Variants in MLIP observed in about 807,000 individuals in gnomAD.
MLIP encodes muscular LMNA interacting protein.
A neutral mutation model predicts 84.8 loss-of-function variants in MLIP; 79 were observed. That is an observed-to-expected ratio of 0.93 (90% CI 0.78 to 1.12). MLIP has a LOEUF of 1.12. MLIP is among the 50% of genes most tolerant of loss of function. The pLI is 0.00. For synonymous variants in MLIP, 504 were observed against 463.0 expected, an observed-to-expected ratio of 1.09 and a Z score of -1.14; for missense variants, 1,257 against 1,160.6, an observed-to-expected ratio of 1.08 and a Z score of -1.21.
In MLIP at chr6:54,137,522, GA is replaced by G; in HGVS notation, c.1455del (p.Glu485AspfsTer2). On this transcript the variant is annotated frameshift_variant, in exon 4 of 14. Coordinates refer to ENST00000502396, the MANE Select transcript of MLIP (RefSeq NM_001281747.2). LOFTEE classifies it high-confidence loss of function. ...AGATCAAGGGGAACTCCAGGTTTCTGAATTGACCCAGCAATCTTTTCACCTG... is the reference window on the plus strand; with the variant it reads ...AGATCAAGGGGAACTCCAGGTTTCTGATTGACCCAGCAATCTTTTCACCTG... Reference protein sequence around the residue: ...SPDQGELQVSELTQQSFHLPV... With the variant: ...SPDQGELQVSXLTQQSFHLPV... 1 of 1,536,094 alleles carries G rather than the reference GA, an allele frequency of 6.5e-7. No individual in the cohort carries two copies. The highest frequency in any genetic ancestry group is 1.4e-5 in the African/African-American group (1 of 73,150).
At chr6:54,265,507 G>A (rs1351301092) in intron 13 of MLIP, among the ~76,000 whole-genome samples, 4 of 152,090 alleles carry the variant, frequency 2.6e-5, no homozygotes, top group African/African-American at 7.2e-5. Context: ...GCAAAAGCTG[G>A]GACTTAATTC....
intron 9 of MLIP, among the ~76,000 whole-genome samples, chr6:54,188,348 G>T (rs1777596236): frequency 6.6e-6 from 1 of 151,724 alleles, no homozygotes; most frequent in Non-Finnish European, 1.5e-5. Context: ...AAAACTTTTT[G>T]ACTCTTTTGT....
At position 54,261,141 on chromosome 6, in the gene MLIP, A is replaced by G. The variant is rs958439849; in HGVS notation, c.2976+3780A>G. Reference sequence around the variant, plus strand: ...TGATTTCTGAGTTGAGTTACTTAGGAGAAAATTAAATTCTAGTAGTGACAA... The same window carrying G: ...TGATTTCTGAGTTGAGTTACTTAGGGGAAAATTAAATTCTAGTAGTGACAA... On this transcript the variant is annotated intron_variant, in intron 13 of 13. Transcript: ENST00000502396. Among the ~76,000 whole-genome samples, 8 of 152,148 alleles carry G rather than the reference A, an allele frequency of 5.3e-5. 1 individual carries two copies. Among genetic ancestry groups the G allele is most frequent in the African/African-American group, 1.9e-4 (8 of 41,556 alleles).
At chr6:54,244,851 T>C (rs924092588) in intron 12 of MLIP, among the ~76,000 whole-genome samples, 1 of 152,204 alleles carries the variant, frequency 6.6e-6, no homozygotes, top group Admixed American at 6.5e-5. Flanking sequence ...CCATTGGACA[T>C]ATAGTATCTA....
intron 1 of MLIP, chr6:54,030,492 G>A (rs910192451): frequency 6.6e-6 from 1 of 152,064 alleles, no homozygotes; most frequent in African/African-American, 2.4e-5. Flanking sequence ...GTACATGCGT[G>A]TGTGCACAGA....
chr6:54,110,837 C>G (rs991509269), upstream of MLIP, among the ~76,000 whole-genome samples: 2 of 152,142 alleles, frequency 1.3e-5, no homozygotes, highest in South Asian at 2.1e-4. Context: ...CTTCCAGGAA[C>G]CTTGGAATGA....
At chr6:54,081,920 A>G (rs955906512) in intron 1 of MLIP, among the ~76,000 whole-genome samples, 1 of 152,180 alleles carries the variant, frequency 6.6e-6, no homozygotes, top group African/African-American at 2.4e-5. Flanking sequence ...TATGACCAAG[A>G]CAAATAATGA....
intron 9 of MLIP, among the ~76,000 whole-genome samples, chr6:54,171,306 G>T (rs1775746777): frequency 6.6e-6 from 1 of 151,634 alleles, no homozygotes; most frequent in East Asian, 1.9e-4. Context: ...AACAGGTTCA[G>T]TATAGGCTAG....
At chr6:54,149,174 T>C (rs774251712) in intron 5 of MLIP, 47 bp downstream of exon 5, 1 of 1,492,188 alleles carries the variant, frequency 6.7e-7, no homozygotes, top group East Asian at 2.3e-5. Flanking sequence ...TTAATGTGAT[T>C]TTTAAAATGT....
chr6:54,055,560 T>C (rs1361722751), intron 1 of MLIP, among the ~76,000 whole-genome samples: 1 of 152,172 alleles, frequency 6.6e-6, no homozygotes, highest in African/African-American at 2.4e-5. Flanking sequence ...ATTAATTTAG[T>C]CAACAAATAT....
In MLIP at chr6:54,065,745, C is replaced by T. The variant is rs1274044788; in HGVS notation, c.63+46654C>T. Among the ~76,000 whole-genome samples, 3 of 99,136 alleles carry T rather than the reference C, an allele frequency of 3.0e-5. 1 individual carries two copies. The highest frequency in any genetic ancestry group is 7.7e-5 in the African/African-American group (3 of 38,934). The allele number at this position is 99,136 out of a possible 152,430, so 65.0% of individuals were successfully genotyped here. ...ACCCAGTTCCTCTCTGGAGCATCAC[C>T]CTAGGCCACCTCTGACTTTCCTAGT... On this transcript the variant is annotated intron_variant, in intron 1 of 12. Transcript: ENST00000274897.
chr6:54,174,511 A>G (rs774342654), intron 9 of MLIP, among the ~76,000 whole-genome samples: 1 of 152,010 alleles, frequency 6.6e-6, no homozygotes, highest in Non-Finnish European at 1.5e-5. Flanking sequence ...GATGTTGAGC[A>G]TCTTTTCATA....
intron 1 of MLIP, among the ~76,000 whole-genome samples, chr6:54,078,419 C>T (rs557398162): frequency 2.0e-5 from 3 of 152,232 alleles, no homozygotes; most frequent in African/African-American, 7.2e-5. Flanking sequence ...TAGTGAAACC[C>T]TGTCTCTACA....
At chr6:54,223,331 A>G (rs529502644) in intron 11 of MLIP, among the ~76,000 whole-genome samples, 5 of 151,994 alleles carry the variant, frequency 3.3e-5, no homozygotes, top group Non-Finnish European at 7.4e-5. Context: ...ACCCACAACA[A>G]TGTCAAGCAG....
At chr6:54,116,174 AAAG>A (rs1769901724) in intron 1 of MLIP, among the ~76,000 whole-genome samples, 1 of 152,130 alleles carries the variant, frequency 6.6e-6, no homozygotes, top group Non-Finnish European at 1.5e-5. Context: ...TCAAGGCATA[AAAG>A]GGTGGCAGGG....
At chr6:54,196,704 C>A (rs985193090) in intron 10 of MLIP, among the ~76,000 whole-genome samples, 4 of 152,004 alleles carry the variant, frequency 2.6e-5, no homozygotes, top group Non-Finnish European at 4.4e-5. Flanking sequence ...ATTCATTCTG[C>A]AAGTATTTAT....
chr6:54,155,446 A>G (rs910945123), intron 5 of MLIP, among the ~76,000 whole-genome samples: 2 of 152,144 alleles, frequency 1.3e-5, no homozygotes, highest in African/African-American at 4.8e-5. Context: ...ACTAAAATCT[A>G]ATAACTCAGG....
At chr6:54,028,017 C>G (rs948577993) in intron 1 of MLIP, among the ~76,000 whole-genome samples, 3 of 152,204 alleles carry the variant, frequency 2.0e-5, no homozygotes, top group Non-Finnish European at 2.9e-5. Flanking sequence ...GTCTCAAGTA[C>G]AGCTCCCCTA....
At chr6:54,106,083 G>A (rs1330732846) in intron 1 of MLIP, among the ~76,000 whole-genome samples, 1 of 152,160 alleles carries the variant, frequency 6.6e-6, no homozygotes, top group African/African-American at 2.4e-5. Context: ...ATTAGGGAGT[G>A]CTCCCAGGAG....
Sources: allele counts gnomAD v4.1 joint callset (sites outside exome capture counted in the v4.1 genomes callset), GRCh38; gene constraint gnomAD v4.1.1; transcripts MANE v1.5; gene names NCBI Gene and HGNC (gene_info 2026-07-23, HGNC 2026-07-21).